Variants in ABCB5 observed in about 807,000 individuals in gnomAD.
ABCB5 encodes ATP binding cassette subfamily B member 5, also known as ATP-binding cassette sub-family B member 5.
ABCB5 carries 155 observed loss-of-function variants against 144.2 expected under a neutral mutation model. That is an observed-to-expected ratio of 1.08 (90% CI 0.94 to 1.23). The LOEUF is 1.23. ABCB5 is among the 50% of genes most tolerant of loss of function. The probability of loss-of-function intolerance (pLI) is 0.00; values close to 1 mark genes in which losing one functional copy is unlikely to be tolerated. For missense variants in ABCB5, 1,830 were observed against 1,520.8 expected, an observed-to-expected ratio of 1.20 and a Z score of -3.38; for synonymous variants, 610 against 528.6, an observed-to-expected ratio of 1.15 and a Z score of -2.11.
chr7:20,665,243 G>A (rs1390194719), intron 14 of ABCB5, among the ~76,000 whole-genome samples: 4 of 152,110 alleles, frequency 2.6e-5, no homozygotes, highest in East Asian at 1.9e-4. Flanking sequence ...AAGGGTCAAC[G>A]AGCAGGTGAG....
At chr7:20,711,118 C>T (rs552220062) in intron 20 of ABCB5, among the ~76,000 whole-genome samples, 1 of 146,320 alleles carries the variant, frequency 6.8e-6, no homozygotes, top group Non-Finnish European at 1.5e-5. Flanking sequence ...ATACAGTCTC[C>T]TTCTATATAT....
intron 14 of ABCB5, among the ~76,000 whole-genome samples, chr7:20,668,618 C>T (rs1785317761): frequency 6.8e-6 from 1 of 148,124 alleles, no homozygotes; most frequent in African/African-American, 2.5e-5. Flanking sequence ...CCCCGCCCGG[C>T]CAGCCGCCCC....
chr7:20,659,664 A>G (rs961688230), intron 14 of ABCB5: 5 of 987,772 alleles, frequency 5.1e-6, no homozygotes, highest in Middle Eastern at 5.2e-4. Context: ...ATACAAAGAC[A>G]GGACTAATAT....
rs532861986 is a variant in ABCB5, at chr7:20,715,197, T to C, written c.2422-7819T>C. 3.4e-4 allele frequency among the ~76,000 whole-genome samples: 51 copies of C among 152,000 alleles called. No homozygotes were observed. The South Asian group carries it at 5.0e-3, about 15-fold the overall frequency. ...GTTGCTGGATTACAGGTGCCTGCCA[T>C]CATGCCCAGTTAATTTTTTTGTATT... On this transcript the variant is annotated intron_variant, in intron 20 of 27. Coordinates refer to ENST00000404938, the MANE Select transcript of ABCB5 (RefSeq NM_001163941.2).
intron 14 of ABCB5, among the ~76,000 whole-genome samples, chr7:20,668,901 G>A (rs1317337964): frequency 5.5e-5 from 6 of 108,582 alleles, no homozygotes; most frequent in Non-Finnish European, 1.1e-4. Context: ...GGTGTGGGGC[G>A]CCTCTGCCCG....
rs1055828218 is a variant in ABCB5 at position 20,679,630 on chromosome 7, GA to G, written c.1708-1869del. Among the ~76,000 whole-genome samples, 298 of 102,484 alleles carry G rather than the reference GA, an allele frequency of 2.9e-3. 3 individuals are homozygous for G. The highest frequency in any genetic ancestry group is 9.6e-3 in the African/African-American group (271 of 28,240). The allele number at this position is 102,484 out of a possible 152,430, so 67.2% of individuals were successfully genotyped here. A position where few individuals can be genotyped will look rare whatever the true frequency, so the allele number is the denominator to read the frequency against. On this transcript the variant is annotated intron_variant, in intron 14 of 27. Transcript: ENST00000404938. ...AAATACAGTTCTAATAGAAAAATGA[GA>G]AAAAATGTGGACAATTCACAAGAGA... is the stretch of plus-strand genomic sequence containing the variant.
At chr7:20,618,574 C>T (rs1783736632) in intron 1 of ABCB5, among the ~76,000 whole-genome samples, 1 of 152,038 alleles carries the variant, frequency 6.6e-6, no homozygotes, top group Non-Finnish European at 1.5e-5. Context: ...CTCTCTCCCA[C>T]CTCTGATAGT....
At chr7:20,747,920 A>T (rs575386067) in intron 26 of ABCB5, among the ~76,000 whole-genome samples, 10 of 152,318 alleles carry the variant, frequency 6.6e-5, no homozygotes, top group Admixed American at 2.6e-4. Flanking sequence ...CTGCCCTCTT[A>T]TGCTCAGTTG....
intron 14 of ABCB5, chr7:20,659,161 C>T (rs1784913693): frequency 1.2e-6 from 2 of 1,613,424 alleles, no homozygotes; most frequent in South Asian, 1.1e-5. Context: ...CCCCTCAAAC[C>T]TCACCCTGAC....
intron 5 of ABCB5, chr7:20,641,431 C>G (rs1784292992): frequency 6.6e-6 from 1 of 152,242 alleles, no homozygotes; most frequent in African/African-American, 2.4e-5. Context: ...ACCATCAGTG[C>G]CAGCTACTCA....
chr7:20,667,008 G>T, intron 14 of ABCB5: 1 of 687,372 alleles, frequency 1.5e-6, no homozygotes, highest in Non-Finnish European at 2.1e-6. Context: ...GGAGTATATC[G>T]GTTTTAGGTC....
chr7:20,732,162 C>T lies in ABCB5; in HGVS notation c.2867+3707C>T, dbSNP rs1403850913. 2.0e-5 allele frequency among the ~76,000 whole-genome samples: 3 copies of T among 152,136 alleles called. No individual in the cohort carries two copies. In the East Asian group the frequency reaches 5.8e-4, roughly 29 times the overall value. On this transcript the variant is annotated intron_variant, in intron 23 of 27. Coordinates refer to ENST00000404938, the MANE Select transcript of ABCB5 (RefSeq NM_001163941.2). ...CTTGCCATGTCTGTCCCTGGACCTC[C>T]CCATTGCAGGGTCTTCACACTTGCT...
In ABCB5 at chr7:20,638,790, T is replaced by TTACTATTTACTATTAA. The variant is rs1784219938; in HGVS notation, c.315-4393_315-4392insACTATTTACTATTAAT. The stretch of plus-strand genomic sequence containing the variant: ...TGGACAGTTGGATTGTTTCTACTTT[T>TTACTATTTACTATTAA]TGGCTATTTACAAATAATGCTTCTG... On this transcript the variant is annotated intron_variant, in intron 5 of 27. Coordinates refer to ENST00000404938, the MANE Select transcript of ABCB5 (RefSeq NM_001163941.2). 3.3e-5 allele frequency among the ~76,000 whole-genome samples: 5 copies of TTACTATTTACTATTAA among 152,202 alleles called. No homozygotes were observed. In the South Asian group the frequency reaches 1.0e-3, roughly 32 times the overall value.
At chr7:20,652,837 A>T (rs1165421419) in intron 13 of ABCB5, among the ~76,000 whole-genome samples, 1 of 152,216 alleles carries the variant, frequency 6.6e-6, no homozygotes, top group Non-Finnish European at 1.5e-5. Context: ...ATAAAATTCC[A>T]CCATCCCAGA....
At chr7:20,744,384 C>A (rs904187161) in intron 25 of ABCB5, among the ~76,000 whole-genome samples, 1 of 152,090 alleles carries the variant, frequency 6.6e-6, no homozygotes, top group Non-Finnish European at 1.5e-5. Flanking sequence ...ATTGCCCTGA[C>A]CAGAATGTCC....
Position 20,739,106 on chromosome 7 carries a change from T to G in ABCB5, c.2991T>G (p.Asn997Lys), listed in dbSNP as rs1350014524. The change falls in exon 24 of 28, where the codon AAT becomes AAG. Residue 997 changes from asparagine to lysine, a missense_variant. Physicochemically the swap from Asn to Lys is moderately conservative, Grantham distance 94 (BLOSUM62 0). Coordinates refer to ENST00000404938, the MANE Select transcript of ABCB5 (RefSeq NM_001163941.2). ...HLFALLEKKP[N>K]IDSRSQEGKK... ...TTGCCTTGTTGGAAAAGAAACCAAA[T>G]ATAGACAGCCGCAGTCAAGAAGGGA... The G allele has an allele frequency of 6.2e-7, 1 of 1,607,512 alleles. No individual in the cohort carries two copies. The highest frequency in any genetic ancestry group is 8.5e-7 in the Non-Finnish European group (1 of 1,177,082).
chr7:20,623,995 A>G (rs1427361182), intron 2 of ABCB5, among the ~76,000 whole-genome samples: 1 of 152,228 alleles, frequency 6.6e-6, no homozygotes, highest in Non-Finnish European at 1.5e-5. Flanking sequence ...TCCTTAGGCT[A>G]AAGCAAATTC....
intron 27 of ABCB5, 126 bp from the exon 28 acceptor site, chr7:20,755,301 G>A (rs1783053410): frequency 2.8e-6 from 2 of 722,588 alleles, no homozygotes; most frequent in Non-Finnish European, 4.6e-6. Context: ...TTACAAGTAG[G>A]GCAGTTCCTT....
chr7:20,640,454 G>A (rs1784271866), intron 5 of ABCB5, among the ~76,000 whole-genome samples: 1 of 152,050 alleles, frequency 6.6e-6, no homozygotes, highest in Non-Finnish European at 1.5e-5. Flanking sequence ...AAACTTATCT[G>A]ACACACCTGT....
Sources: gnomAD v4.1 joint callset for allele counts (sites outside exome capture counted in the v4.1 genomes callset) on GRCh38, gnomAD v4.1.1 for gene constraint, MANE v1.5 for transcripts, NCBI Gene and HGNC (gene_info 2026-07-23, HGNC 2026-07-21) for gene names.